Variants in SDC2 observed in about 807,000 individuals in gnomAD.
The protein encoded by SDC2 is syndecan-2.
Under a neutral mutation model 22.2 loss-of-function variants are expected in SDC2, and 13 were observed. The ratio of observed to expected loss-of-function variants is 0.59; its 90% CI spans 0.38 to 0.93. SDC2 has a LOEUF of 0.93. Ranked by LOEUF, SDC2 falls within the 40% of genes least tolerant of loss-of-function variation. The probability of loss-of-function intolerance (pLI) is 0.00; values close to 1 mark genes in which losing one functional copy is unlikely to be tolerated. For missense variants in SDC2, 235 were observed against 246.8 expected, an observed-to-expected ratio of 0.95 and a Z score of 0.32; for synonymous variants, 94 against 92.8, an observed-to-expected ratio of 1.01 and a Z score of -0.07.
At chr8:96,558,574 A>C (rs1305368620) in intron 1 of SDC2, among the ~76,000 whole-genome samples, 1 of 152,178 alleles carries the variant, frequency 6.6e-6, no homozygotes, top group Non-Finnish European at 1.5e-5. Context: ...TTTAAATGAA[A>C]TGTCTCTATA....
At chr8:96,497,840 T>G (rs1398196736) in intron 1 of SDC2, among the ~76,000 whole-genome samples, 1 of 152,242 alleles carries the variant, frequency 6.6e-6, no homozygotes, top group Non-Finnish European at 1.5e-5. Context: ...CACTAGATTG[T>G]CCTTCTTCCA....
At chr8:96,584,331 G>T (rs1164816769) in intron 1 of SDC2, among the ~76,000 whole-genome samples, 3 of 152,206 alleles carry the variant, frequency 2.0e-5, no homozygotes, top group Non-Finnish European at 4.4e-5. Context: ...GCTTTCTGTG[G>T]CATTCTGTCA....
At chr8:96,549,151 C>G (rs10108467) in intron 1 of SDC2, among the ~76,000 whole-genome samples, 2,441 of 152,224 alleles carry the variant, frequency 0.016, 69 homozygotes, top group African/African-American at 0.055. Flanking sequence ...TACTCTTGTA[C>G]TAAAATGAGA....
chr8:96,530,450 A>G (rs930746041), intron 1 of SDC2, among the ~76,000 whole-genome samples: 8 of 152,182 alleles, frequency 5.3e-5, no homozygotes, highest in Non-Finnish European at 1.5e-5. Context: ...CCTGGCCAAC[A>G]TGGTGAAACC....
intron 2 of SDC2, among the ~76,000 whole-genome samples, chr8:96,596,324 A>G (rs1168465912): frequency 1.3e-5 from 2 of 152,216 alleles, no homozygotes; most frequent in South Asian, 4.1e-4. Flanking sequence ...TGGCCAGTGT[A>G]CCAGTTGTCC....
intron 1 of SDC2, among the ~76,000 whole-genome samples, chr8:96,590,001 T>C (rs1814751739): frequency 6.6e-6 from 1 of 152,206 alleles, no homozygotes; most frequent in South Asian, 2.1e-4. Flanking sequence ...ATGCGCATTC[T>C]CCTCTGGGAA....
At chr8:96,516,377 A>G (rs1813401442) in intron 1 of SDC2, among the ~76,000 whole-genome samples, 1 of 152,232 alleles carries the variant, frequency 6.6e-6, no homozygotes, top group African/African-American at 2.4e-5. Flanking sequence ...ACAATATTTT[A>G]TGCTACTTAG....
chr8:96,602,561 A>G (rs1310161548), intron 3 of SDC2, 33 bp downstream of exon 3: 3 of 1,610,608 alleles, frequency 1.9e-6, no homozygotes, highest in African/African-American at 1.3e-5. Context: ...TTGCATTATC[A>G]GGTTATTACA....
chr8:96,531,994 C>G (rs1439985806), intron 1 of SDC2, among the ~76,000 whole-genome samples: 1 of 152,208 alleles, frequency 6.6e-6, no homozygotes, highest in East Asian at 1.9e-4. Context: ...TAGCTGTAGA[C>G]TAGCGACACC....
chr8:96,606,670 T>G (rs1306613551), intron 3 of SDC2, among the ~76,000 whole-genome samples: 1 of 152,162 alleles, frequency 6.6e-6, no homozygotes, highest in Non-Finnish European at 1.5e-5. Context: ...GGACTGTATT[T>G]TTTTTAATGC....
intron 1 of SDC2, among the ~76,000 whole-genome samples, chr8:96,504,737 CTT>C (rs1372809538): frequency 6.6e-6 from 1 of 152,148 alleles, no homozygotes; most frequent in Non-Finnish European, 1.5e-5. Flanking sequence ...CATCCTGACT[CTT>C]AACACTATGG....
intron 1 of SDC2, among the ~76,000 whole-genome samples, chr8:96,570,230 A>G (rs1003650973): frequency 2.0e-5 from 3 of 152,162 alleles, no homozygotes; most frequent in African/African-American, 7.2e-5. Flanking sequence ...CGACTATCCC[A>G]AGCTCTGCTT....
intron 1 of SDC2, among the ~76,000 whole-genome samples, chr8:96,527,420 C>T (rs1813595183): frequency 6.6e-6 from 1 of 152,218 alleles, no homozygotes; most frequent in Non-Finnish European, 1.5e-5. Context: ...CTAGCTTCCA[C>T]TTGCACAGTT....
chr8:96,567,560 C>A (rs1814321160), intron 1 of SDC2, among the ~76,000 whole-genome samples: 1 of 152,166 alleles, frequency 6.6e-6, no homozygotes, highest in African/African-American at 2.4e-5. Flanking sequence ...TGCCTTTGCA[C>A]ACCCGTAGCT....
intron 1 of SDC2, among the ~76,000 whole-genome samples, chr8:96,506,288 T>A (rs1252075496): frequency 1.3e-5 from 2 of 152,220 alleles, no homozygotes; most frequent in African/African-American, 4.8e-5. Flanking sequence ...CTGTTGATAT[T>A]TCTATCAGGG....
At chr8:96,494,439 G>C in intron 1 of SDC2, 108 bp downstream of exon 1, 1 of 993,236 alleles carries the variant, frequency 1.0e-6, no homozygotes, top group South Asian at 1.6e-5. Context: ...CAGTCCCCAA[G>C]TATACACCGG....
At chr8:96,603,744 G>A (rs1206098282) in intron 3 of SDC2, among the ~76,000 whole-genome samples, 1 of 152,102 alleles carries the variant, frequency 6.6e-6, no homozygotes, top group Non-Finnish European at 1.5e-5. Context: ...CTGCAGATGT[G>A]GAACAGCCAG....
chr8:96,501,109 C>G (rs1360153408), intron 1 of SDC2, among the ~76,000 whole-genome samples: 2 of 151,760 alleles, frequency 1.3e-5, no homozygotes, highest in Non-Finnish European at 2.9e-5. Flanking sequence ...TAAGTATGCT[C>G]TCTACAAAGC....
chr8:96,602,601 A>G (rs902409456), intron 3 of SDC2, 73 bp downstream of exon 3: 1 of 1,507,312 alleles, frequency 6.6e-7, no homozygotes, highest in Non-Finnish European at 9.1e-7. Flanking sequence ...TGTACACAAC[A>G]GTCCCTTTTG....
Sources: gnomAD v4.1 joint callset for allele counts (sites outside exome capture counted in the v4.1 genomes callset) on GRCh38, gnomAD v4.1.1 for gene constraint, MANE v1.5 for transcripts, NCBI Gene and HGNC (gene_info 2026-07-23, HGNC 2026-07-21) for gene names.